Variants in HACD1 observed in about 807,000 individuals in gnomAD.
The protein encoded by HACD1 is very-long-chain (3R)-3-hydroxyacyl-CoA dehydratase 1.
Under a neutral mutation model 32.0 loss-of-function variants are expected in HACD1, and 41 were observed. The observed-to-expected ratio is 1.28, with a 90% CI of 1.00 to 1.66. The LOEUF is 1.66. Among genes scored for constraint, HACD1 ranks in the 40% most tolerant of loss-of-function variants. The pLI is 0.00. For missense variants in HACD1, 396 were observed against 380.1 expected (o/e 1.04, Z -0.35); for synonymous variants, 142 against 139.0 (o/e 1.02, Z -0.15).
intron 1 of HACD1, among the ~76,000 whole-genome samples, chr10:17,610,964 G>A (rs964150586): frequency 1.3e-5 from 2 of 148,898 alleles, no homozygotes; most frequent in Non-Finnish European, 1.5e-5. Context: ...CTACCTGTCC[G>A]CCTTCATTTC....
intron 1 of HACD1, among the ~76,000 whole-genome samples, chr10:17,608,001 G>A (rs1554817187): frequency 6.6e-6 from 1 of 152,118 alleles, no homozygotes. Flanking sequence ...AAAGCAACTG[G>A]AATTTCTGCA....
At chr10:17,604,480 CAAA>C (rs11354623) in intron 1 of HACD1, among the ~76,000 whole-genome samples, 4,255 of 82,222 alleles carry the variant, frequency 0.052, 61 homozygotes, top group African/African-American at 0.085. Flanking sequence ...CTGTCCGTCT[CAAA>C]AAAAAAAAAA....
chr10:17,617,287 C>T lies in HACD1; in HGVS notation c.53G>A (p.Gly18Asp). The change falls in exon 1 of 7, where the codon GGC becomes GAC. Residue 18 changes from glycine (G) to aspartate (D), a missense_variant. By Grantham distance (94) the Gly-to-Asp change is moderately conservative. Transcript: ENST00000361271. ...GAGCGTGGGAGGGGACCCTGCCCAGCCTGCAGCCCGAGAGCCGCTGCCCGC... is the reference window on the plus strand; with the variant it reads ...GAGCGTGGGAGGGGACCCTGCCCAGTCTGCAGCCCGAGAGCCGCTGCCCGC... ...AAAGSGSRAAGWAGSPPTLLP... is the reference protein window; with the variant it reads ...AAAGSGSRAADWAGSPPTLLP... The T allele has an allele frequency of 2.1e-6, 3 of 1,460,624 alleles. No individual in the cohort carries two copies. Among genetic ancestry groups the T allele is most frequent in the Non-Finnish European group, 2.7e-6 (3 of 1,112,460 alleles). The allele number at this position is 1,460,624 out of a possible 1,614,324, so 90.5% of individuals were successfully genotyped here. A position where few individuals can be genotyped will look rare whatever the true frequency, so the allele number is the denominator to read the frequency against.
intron 6 of HACD1, among the ~76,000 whole-genome samples, chr10:17,592,622 A>T (rs1833943518): frequency 6.6e-6 from 1 of 152,118 alleles, no homozygotes; most frequent in South Asian, 2.1e-4. Flanking sequence ...CTCCATTTCC[A>T]TGGAGATGCC....
At chr10:17,598,629 G>A (rs1365497978) in intron 5 of HACD1, among the ~76,000 whole-genome samples, 1 of 152,146 alleles carries the variant, frequency 6.6e-6, no homozygotes, top group Admixed American at 6.6e-5. Flanking sequence ...AGAATAAAAT[G>A]AACAAGTCTA....
chr10:17,596,712 T>C (rs925229611), intron 5 of HACD1, among the ~76,000 whole-genome samples: 8 of 152,110 alleles, frequency 5.3e-5, no homozygotes, highest in African/African-American at 1.7e-4. Flanking sequence ...AAAAAAAAGA[T>C]ACAATGCTTC....
rs144349696 is a variant in HACD1, at chr10:17,592,277, A to G, written c.785-1831T>C. ...GATTACAGGTGTGAGCCACCACACC[A>G]GGCCACAAGCTAGTGATTTTTAAGC... On this transcript the variant is annotated intron_variant, in intron 6 of 6. Coordinates refer to ENST00000361271, the MANE Select transcript of HACD1 (RefSeq NM_014241.4). 2.5e-3 allele frequency among the ~76,000 whole-genome samples: 376 copies of G among 152,120 alleles called. 2 individuals carry two copies. Among genetic ancestry groups the G allele is most frequent in the African/African-American group, 7.9e-3 (327 of 41,506 alleles).
intron 1 of HACD1, among the ~76,000 whole-genome samples, chr10:17,607,789 T>A (rs1834169223): frequency 6.6e-6 from 1 of 152,152 alleles, no homozygotes; most frequent in African/African-American, 2.4e-5. Flanking sequence ...AAAGGACCCA[T>A]CGAAACATCT....
intron 1 of HACD1, among the ~76,000 whole-genome samples, chr10:17,610,604 T>A (rs140732061): frequency 6.6e-6 from 1 of 150,814 alleles, no homozygotes; most frequent in African/African-American, 2.4e-5. Context: ...GAGCTGGTGC[T>A]ACTGCACTCC....
At chr10:17,607,844 A>G (rs1032531423) in intron 1 of HACD1, among the ~76,000 whole-genome samples, 8 of 152,292 alleles carry the variant, frequency 5.3e-5, no homozygotes, top group African/African-American at 7.2e-5. Flanking sequence ...CCAGGAGCCA[A>G]TTGAATCAGG....
At chr10:17,595,440 T>G (rs1554815947) in intron 5 of HACD1, among the ~76,000 whole-genome samples, 1 of 152,206 alleles carries the variant, frequency 6.6e-6, no homozygotes, top group Non-Finnish European at 1.5e-5. Context: ...TATATTATAT[T>G]GTCTAAAACT....
At chr10:17,599,136 C>A in intron 5 of HACD1, 154 bp downstream of exon 5, 2 of 1,257,500 alleles carry the variant, frequency 1.6e-6, no homozygotes, top group Non-Finnish European at 2.1e-6. Context: ...GAATACAAAT[C>A]ATAACTTGTA....
At chr10:17,604,940 A>C (rs898340955) in intron 1 of HACD1, among the ~76,000 whole-genome samples, 11 of 152,108 alleles carry the variant, frequency 7.2e-5, no homozygotes, top group African/African-American at 2.4e-4. Context: ...TCCTGAACTC[A>C]AGTGATCCAT....
intron 1 of HACD1, among the ~76,000 whole-genome samples, chr10:17,605,847 G>A (rs189943863): frequency 2.0e-5 from 3 of 151,860 alleles, no homozygotes; most frequent in East Asian, 2.0e-4. Flanking sequence ...CCAGCTACTC[G>A]GGAGGCTGAG....
chr10:17,590,478 G>A (rs782722422), intron 6 of HACD1, 32 bp from the exon 7 acceptor site: 6 of 1,478,358 alleles, frequency 4.1e-6, no homozygotes, highest in Admixed American at 1.9e-5. Flanking sequence ...AGAAAAACAA[G>A]CTATTGCTTT....
chr10:17,592,068 G>C (rs1833936157), intron 6 of HACD1, among the ~76,000 whole-genome samples: 1 of 138,720 alleles, frequency 7.2e-6, no homozygotes, highest in Non-Finnish European at 1.5e-5. Context: ...TGCAACCTCT[G>C]CCTCCCCGGT....
chr10:17,594,053 T>C (rs1288319390), intron 6 of HACD1, 152 bp downstream of exon 6: 2 of 674,014 alleles, frequency 3.0e-6, no homozygotes, highest in Non-Finnish European at 4.2e-6. Context: ...CCCTTCACTT[T>C]TCCCAAATTA....
chr10:17,610,999 C>CTTTTTTTTTTTTT (rs71393021), intron 1 of HACD1, among the ~76,000 whole-genome samples: 3 of 103,016 alleles, frequency 2.9e-5, no homozygotes, highest in African/African-American at 1.2e-4. Flanking sequence ...AGGTCCTCTT[C>CTTTTTTTTTTTTT]TTTTTTTTTT....
chr10:17,603,676 G>A, intron 3 of HACD1, 28 bp from the exon 4 acceptor site: 1 of 1,605,238 alleles, frequency 6.2e-7, no homozygotes, highest in Non-Finnish European at 8.5e-7. Context: ...GTGAACTATT[G>A]CCCTAAAGGC....
Sources: gnomAD v4.1 joint callset for allele counts (sites outside exome capture counted in the v4.1 genomes callset) on GRCh38, gnomAD v4.1.1 for gene constraint, MANE v1.5 for transcripts, NCBI Gene and HGNC (gene_info 2026-07-23, HGNC 2026-07-21) for gene names.